The following TMCO5A variants were observed in gnomAD, a reference collection of about 807,000 sequenced individuals.
The protein encoded by TMCO5A is transmembrane and coiled-coil domains 5A, also known as transmembrane and coiled-coil domain-containing protein 5A.
Under a neutral mutation model 42.3 loss-of-function variants are expected in TMCO5A, and 34 were observed. The ratio of observed to expected loss-of-function variants is 0.80; its 90% CI spans 0.61 to 1.07. The LOEUF is 1.07. TMCO5A is among the 50% of genes least tolerant of loss of function. TMCO5A has a pLI of 0.00. For missense variants in TMCO5A, 357 were observed against 327.9 expected (o/e 1.09, Z -0.69); for synonymous variants, 131 against 115.6 (o/e 1.13, Z -0.86).
At chr15:37,942,295 C>T in intron 9 of TMCO5A, 40 bp downstream of exon 9, 1 of 1,594,628 alleles carries the variant, frequency 6.3e-7, no homozygotes, top group Non-Finnish European at 8.6e-7. Context: ...TTGGTAGAAA[C>T]TCCATCTCAG....
the TMCO5A span, chr15:37,984,681 C>CTTTTTTTTTTTTTTTT: frequency 2.4e-5 from 1 of 41,876 alleles, no homozygotes; most frequent in African/African-American, 1.0e-4. Flanking sequence ...GAACATTTGT[C>CTTTTTTTTTTTTTTTT]TTTTTTTTTT....
In TMCO5A at chr15:37,947,673, G is replaced by A. The variant is rs193920912; in HGVS notation, c.645G>A (p.Lys215=). Residue 215 remains lysine, a synonymous_variant, in exon 11 of 12, where the codon AAG becomes AAA. Transcript: ENST00000319669. ...TCTTCCAGGGTACTCCTACCCAAAA[G>A]ACAGCAAGATTATTCAGTAAAAAGT... is the stretch of plus-strand genomic sequence containing the variant. The part of the protein sequence containing the change: ...SQNNEGTPTQ[K]TARLFSKKIF... The A allele has an allele frequency of 6.2e-7, 1 of 1,600,150 alleles. No homozygotes were observed. Among genetic ancestry groups the A allele is most frequent in the African/African-American group, 1.3e-5 (1 of 74,480 alleles).
chr15:37,945,139 T>C (rs983762735), intron 10 of TMCO5A, among the ~76,000 whole-genome samples: 4 of 152,140 alleles, frequency 2.6e-5, no homozygotes, highest in Admixed American at 6.6e-5. Flanking sequence ...TGGGTTTCTG[T>C]TCTTGGGTTA....
At chr15:37,962,100 C>A (rs1457715083) in intron 11 of TMCO5A, among the ~76,000 whole-genome samples, 1 of 152,084 alleles carries the variant, frequency 6.6e-6, no homozygotes, top group Non-Finnish European at 1.5e-5. Flanking sequence ...TGAGAGTGGG[C>A]ATCCTTCTCT....
At chr15:38,014,309 A>G in the TMCO5A span, among the ~76,000 whole-genome samples, 1 of 152,224 alleles carries the variant, frequency 6.6e-6, no homozygotes, top group Middle Eastern at 3.4e-3. Context: ...TTTGTCATTT[A>G]AAAGAATTTC....
chr15:37,956,038 T>A (rs1476461711), downstream of TMCO5A, among the ~76,000 whole-genome samples: 1 of 152,124 alleles, frequency 6.6e-6, no homozygotes, highest in East Asian at 1.9e-4. Context: ...ACAAGTTCTT[T>A]GAAACCAATG....
chr15:37,995,580 A>C, the TMCO5A span, among the ~76,000 whole-genome samples: 1 of 152,206 alleles, frequency 6.6e-6, no homozygotes, highest in South Asian at 2.1e-4. Context: ...CCAGTGGCTA[A>C]TCCCAAATGT....
chr15:37,959,007 A>T (rs1490494952), intron 11 of TMCO5A, among the ~76,000 whole-genome samples: 1 of 147,938 alleles, frequency 6.8e-6, no homozygotes, highest in East Asian at 1.9e-4. Context: ...TTCTCAGCAA[A>T]CTAACACAGG....
chr15:37,958,620 C>T (rs780647545), intron 11 of TMCO5A, among the ~76,000 whole-genome samples: 1 of 152,054 alleles, frequency 6.6e-6, no homozygotes, highest in Non-Finnish European at 1.5e-5. Context: ...CAGGAAACAA[C>T]AGATGCTGGG....
At position 37,941,188 on chromosome 15, in the gene TMCO5A, GAGA is replaced by G. The variant is rs553837303; in HGVS notation, c.430_432del (p.Lys144del). On this transcript the variant is annotated inframe_deletion, in exon 7 of 12. Coordinates refer to ENST00000319669, the MANE Select transcript of TMCO5A (RefSeq NM_152453.4). ...GCTGGAAGCTTCCTATGCATGCCAAGAGAAGGAGCTGCTCAAGGTAACAGCAGG... is the reference window on the plus strand; with the variant it reads ...GCTGGAAGCTTCCTATGCATGCCAAGAGGAGCTGCTCAAGGTAACAGCAGG... 180 of 1,613,220 alleles carry G rather than the reference GAGA, an allele frequency of 1.1e-4. 1 individual carries two copies. In the East Asian group the frequency reaches 2.6e-3, roughly 23 times the overall value.
At chr15:37,964,276 G>A (rs898127040) in intron 11 of TMCO5A, among the ~76,000 whole-genome samples, 3 of 152,042 alleles carry the variant, frequency 2.0e-5, no homozygotes, top group African/African-American at 7.2e-5. Flanking sequence ...TCTCTTCTGG[G>A]TTTAGCCACC....
the TMCO5A span, among the ~76,000 whole-genome samples, chr15:37,986,902 T>G: frequency 6.6e-6 from 1 of 152,102 alleles, no homozygotes; most frequent in African/African-American, 2.4e-5. Flanking sequence ...GATTTTCCTT[T>G]CAATTCTGGC....
At chr15:38,025,691 A>C in the TMCO5A span, among the ~76,000 whole-genome samples, 1 of 151,992 alleles carries the variant, frequency 6.6e-6, no homozygotes, top group Non-Finnish European at 1.5e-5. Flanking sequence ...ATAAGGTTTG[A>C]CTCTGTGTCC....
chr15:37,936,589 A>G, intron 3 of TMCO5A, 126 bp downstream of exon 3: 2 of 1,235,676 alleles, frequency 1.6e-6, no homozygotes, highest in Non-Finnish European at 2.2e-6. Flanking sequence ...TTAATTTTTC[A>G]TTCTTTGACA....
intron 11 of TMCO5A, among the ~76,000 whole-genome samples, chr15:37,962,300 G>T (rs186418982): frequency 5.9e-5 from 9 of 152,010 alleles, no homozygotes; most frequent in Non-Finnish European, 7.4e-5. Context: ...AGATGATCAT[G>T]TGATTTTGGT....
At chr15:37,938,080 T>TA in intron 5 of TMCO5A, 78 bp from the exon 6 acceptor site, 4 of 1,226,068 alleles carry the variant, frequency 3.3e-6, no homozygotes, top group Non-Finnish European at 3.5e-6. Flanking sequence ...AGGCCATAGT[T>TA]ACTAATCTCC....
downstream of TMCO5A, among the ~76,000 whole-genome samples, chr15:37,952,557 C>T (rs1330644388): frequency 6.6e-6 from 1 of 152,166 alleles, no homozygotes; most frequent in African/African-American, 2.4e-5. Flanking sequence ...CCCTAAATAA[C>T]CAGCAGCGAT....
At chr15:37,977,226 T>C in the TMCO5A span, among the ~76,000 whole-genome samples, 63 of 152,346 alleles carry the variant, frequency 4.1e-4, no homozygotes, top group African/African-American at 1.4e-3. Flanking sequence ...ATTTCAGCCA[T>C]TTCAGCCTGG....
chr15:37,966,778 C>T, exon 12 of TMCO5A: 2 of 689,704 alleles, frequency 2.9e-6, no homozygotes, highest in Admixed American at 4.1e-5. Context: ...GGTCAATTGC[C>T]TACCCTGTCC....
Sources: gnomAD v4.1 joint callset for allele counts (sites outside exome capture counted in the v4.1 genomes callset) on GRCh38, gnomAD v4.1.1 for gene constraint, MANE v1.5 for transcripts, NCBI Gene and HGNC (gene_info 2026-07-23, HGNC 2026-07-21) for gene names.